ARK2C: variants seen among roughly 807,000 people sequenced by gnomAD.
ARK2C encodes the protein E3 ubiquitin-protein ligase ARK2C.
chr18:46,334,192 C>G, the ARK2C span: 1 of 918,712 alleles, frequency 1.1e-6, no homozygotes, highest in Non-Finnish European at 1.3e-6. This position sits in a 1 kb window ranked among gnomAD's most constrained non-coding sequence, Gnocchi z 4.4. Context: ...GCAGCCCCGC[C>G]GCCGCCCGCG....
the ARK2C span, chr18:46,336,420 G>A: frequency 2.0e-6 from 2 of 985,360 alleles, no homozygotes; most frequent in Non-Finnish European, 1.2e-6. Flanking sequence ...CTGCCCATCA[G>A]TTAAAGTTTA....
chr18:46,430,207 T>G, the ARK2C span, among the ~76,000 whole-genome samples: 2 of 152,250 alleles, frequency 1.3e-5, no homozygotes, highest in South Asian at 4.1e-4. Context: ...ATTCTCATAC[T>G]TGATTAATGG....
At chr18:46,453,373 T>C in the ARK2C span, among the ~76,000 whole-genome samples, 1 of 152,180 alleles carries the variant, frequency 6.6e-6, no homozygotes, top group African/African-American at 2.4e-5. Flanking sequence ...AGGGAGTGTT[T>C]ACTCCTACCG....
the ARK2C span, among the ~76,000 whole-genome samples, chr18:46,419,190 T>G: frequency 6.6e-6 from 1 of 152,144 alleles, no homozygotes; most frequent in Non-Finnish European, 1.5e-5. Flanking sequence ...GCCTGGTATT[T>G]TACTACAGAC....
the ARK2C span, among the ~76,000 whole-genome samples, chr18:46,399,511 CT>C: frequency 6.6e-6 from 1 of 152,168 alleles, no homozygotes; most frequent in South Asian, 2.1e-4. Flanking sequence ...GCTGTGGTTA[CT>C]GATGTAGTGG....
chr18:46,361,862 G>C, the ARK2C span, among the ~76,000 whole-genome samples: 1 of 152,240 alleles, frequency 6.6e-6, no homozygotes, highest in Admixed American at 6.5e-5. Context: ...GAGGAGGTTA[G>C]GTGATATGCT....
At chr18:46,369,964 T>C in the ARK2C span, among the ~76,000 whole-genome samples, 106 of 151,454 alleles carry the variant, frequency 7.0e-4, 1 homozygote, top group East Asian at 0.021. Flanking sequence ...CACGCACACA[T>C]GCACACACAC....
chr18:46,389,127 A>G, the ARK2C span, among the ~76,000 whole-genome samples: 6 of 152,134 alleles, frequency 3.9e-5, no homozygotes, highest in African/African-American at 1.4e-4. Flanking sequence ...GTGGGCACAT[A>G]CCCATCTTGT....
the ARK2C span, among the ~76,000 whole-genome samples, chr18:46,373,002 C>T: frequency 6.6e-6 from 1 of 152,226 alleles, no homozygotes; most frequent in African/African-American, 2.4e-5. Context: ...ACTGGAAGCT[C>T]TGTGTGTCTG....
chr18:46,414,109 T>C, the ARK2C span, among the ~76,000 whole-genome samples: 1 of 152,056 alleles, frequency 6.6e-6, no homozygotes, highest in Non-Finnish European at 1.5e-5. Flanking sequence ...CTTCTGGAGG[T>C]AGAGATGGCA....
the ARK2C span, among the ~76,000 whole-genome samples, chr18:46,341,559 A>G: frequency 6.6e-6 from 1 of 152,202 alleles, no homozygotes; most frequent in Non-Finnish European, 1.5e-5. Context: ...AGACGCCAGA[A>G]TGGCAGATGG....
the ARK2C span, among the ~76,000 whole-genome samples, chr18:46,434,912 G>T: frequency 6.6e-6 from 1 of 152,060 alleles, no homozygotes; most frequent in Admixed American, 6.5e-5. Flanking sequence ...GGAGTAGAGG[G>T]GTGCATAGAG....
At chr18:46,357,458 A>C in the ARK2C span, among the ~76,000 whole-genome samples, 1 of 152,254 alleles carries the variant, frequency 6.6e-6, no homozygotes, top group Non-Finnish European at 1.5e-5. Context: ...GGTGTCAGGC[A>C]AGAAAACAGC....
the ARK2C span, among the ~76,000 whole-genome samples, chr18:46,432,707 C>T: frequency 3.3e-5 from 5 of 152,204 alleles, no homozygotes; most frequent in African/African-American, 1.2e-4. Flanking sequence ...CCTGTAATCC[C>T]AGCACTTTGG....
the ARK2C span, among the ~76,000 whole-genome samples, chr18:46,344,975 GA>G: frequency 6.6e-6 from 1 of 152,054 alleles, no homozygotes; most frequent in African/African-American, 2.4e-5. Context: ...GACGGAGGGG[GA>G]CATCAGACCT....
At chr18:46,426,494 G>A in the ARK2C span, among the ~76,000 whole-genome samples, 126 of 152,272 alleles carry the variant, frequency 8.3e-4, no homozygotes, top group Middle Eastern at 3.4e-3. Flanking sequence ...GGCGTCAGGC[G>A]AGCCCAGCAC....
the ARK2C span, among the ~76,000 whole-genome samples, chr18:46,380,849 T>C: frequency 1.3e-5 from 2 of 152,142 alleles, no homozygotes; most frequent in African/African-American, 4.8e-5. Flanking sequence ...CCCATCACAC[T>C]CGCCCCAGCC....
the ARK2C span, among the ~76,000 whole-genome samples, chr18:46,442,190 G>A: frequency 6.6e-6 from 1 of 151,200 alleles, no homozygotes; most frequent in East Asian, 1.9e-4. Flanking sequence ...AAAGAAAATA[G>A]CCTTTGATCC....
At chr18:46,360,926 G>A in the ARK2C span, among the ~76,000 whole-genome samples, 3 of 152,226 alleles carry the variant, frequency 2.0e-5, no homozygotes, top group Admixed American at 2.0e-4. Context: ...CCCACAGCAA[G>A]TGACTTTCCA....
Sources: allele counts gnomAD v4.1 joint callset (sites outside exome capture counted in the v4.1 genomes callset), GRCh38; gene constraint gnomAD v4.1.1; non-coding constraint Gnocchi (gnomAD v3.1); transcripts MANE v1.5; gene names NCBI Gene and HGNC (gene_info 2026-07-23, HGNC 2026-07-21).